The following ASCC3 variants were observed in gnomAD, a reference collection of about 807,000 sequenced individuals.
ASCC3 encodes ASC-1 complex subunit P200.
A neutral mutation model predicts 256.3 loss-of-function variants in ASCC3; 158 were observed. The ratio of observed to expected loss-of-function variants is 0.62; its 90% CI spans 0.54 to 0.70. ASCC3 has a LOEUF of 0.70. Among genes scored for constraint, ASCC3 ranks in the 30% least tolerant of loss-of-function variants. The probability of loss-of-function intolerance (pLI) is 0.00; values close to 1 mark genes in which losing one functional copy is unlikely to be tolerated. For missense variants in ASCC3, 2,259 were observed against 2,626.0 expected, an observed-to-expected ratio of 0.86 and a Z score of 3.05; for synonymous variants, 948 against 883.4, an observed-to-expected ratio of 1.07 and a Z score of -1.30.
intron 18 of ASCC3, among the ~76,000 whole-genome samples, chr6:100,652,110 T>C (rs1278995852): frequency 6.6e-6 from 1 of 151,924 alleles, no homozygotes; most frequent in African/African-American, 2.4e-5. Flanking sequence ...AAAACTGAGT[T>C]GAAAAAAATC....
intron 36 of ASCC3, among the ~76,000 whole-genome samples, chr6:100,587,873 TC>T (rs1182248080): frequency 6.6e-6 from 1 of 152,172 alleles, no homozygotes; most frequent in African/African-American, 2.4e-5. Context: ...AACGTTTAAT[TC>T]CCCTGGGATT....
At chr6:100,747,586 T>C (rs1454321777) in intron 10 of ASCC3, among the ~76,000 whole-genome samples, 1 of 152,088 alleles carries the variant, frequency 6.6e-6, no homozygotes, top group Non-Finnish European at 1.5e-5. Context: ...TGCAACAACA[T>C]GGATAAATAT....
chr6:100,852,951 T>A lies in ASCC3; in HGVS notation c.242-4244A>T, dbSNP rs544018930. On this transcript the variant is annotated intron_variant, in intron 3 of 41. Transcript: ENST00000369162. Reference sequence around the variant, plus strand: ...GCAGTTATATTGAGAGGAAATGGGATGTGAAATGCATAGTAAACTATAAGG... The same window carrying A: ...GCAGTTATATTGAGAGGAAATGGGAAGTGAAATGCATAGTAAACTATAAGG... 3.3e-5 allele frequency among the ~76,000 whole-genome samples: 5 copies of A among 151,894 alleles called. No homozygotes were observed. The South Asian group carries it at 1.0e-3, about 32-fold the overall frequency.
intron 13 of ASCC3, among the ~76,000 whole-genome samples, chr6:100,696,342 T>C (rs958965809): frequency 6.6e-6 from 1 of 152,158 alleles, no homozygotes; most frequent in Admixed American, 6.5e-5. Flanking sequence ...TTTTTTCACA[T>C]TGAGAAAATA....
intron 14 of ASCC3, among the ~76,000 whole-genome samples, chr6:100,676,415 C>T (rs1777008936): frequency 6.6e-6 from 1 of 152,218 alleles, no homozygotes; most frequent in South Asian, 2.1e-4. Flanking sequence ...AAATCACAAC[C>T]AGACCTTTTT....
chr6:100,788,134 AAATT>A (rs1769180073), intron 8 of ASCC3, among the ~76,000 whole-genome samples: 2 of 152,032 alleles, frequency 1.3e-5, no homozygotes, highest in African/African-American at 4.8e-5. Flanking sequence ...ACAGGAAAAC[AAATT>A]ACTCAATTAA....
At chr6:100,728,758 T>C (rs768180595) in intron 10 of ASCC3, among the ~76,000 whole-genome samples, 4 of 152,116 alleles carry the variant, frequency 2.6e-5, no homozygotes, top group Admixed American at 1.3e-4. Flanking sequence ...CCTTCTCCTT[T>C]CCCACTCTCT....
chr6:100,538,044 T>C (rs965867964), intron 37 of ASCC3, among the ~76,000 whole-genome samples: 1 of 152,034 alleles, frequency 6.6e-6, no homozygotes, highest in African/African-American at 2.4e-5. Context: ...TGAATCATTA[T>C]TGACTGAGTG....
intron 4 of ASCC3, among the ~76,000 whole-genome samples, chr6:100,822,994 T>C (rs1202927454): frequency 6.6e-6 from 1 of 152,142 alleles, no homozygotes; most frequent in East Asian, 1.9e-4. Context: ...GTCCCAAGCA[T>C]AGGATCACCA....
At chr6:100,818,053 T>C (rs542485224) in intron 4 of ASCC3, among the ~76,000 whole-genome samples, 2 of 152,258 alleles carry the variant, frequency 1.3e-5, no homozygotes, top group South Asian at 4.1e-4. Flanking sequence ...TTATAAATCA[T>C]GATAGTGAGA....
chr6:100,648,291 T>C (rs1775490564), intron 20 of ASCC3, among the ~76,000 whole-genome samples: 1 of 152,162 alleles, frequency 6.6e-6, no homozygotes, highest in East Asian at 1.9e-4. Flanking sequence ...TCCTCTATCA[T>C]TAACTTTGCA....
chr6:100,692,429 GATT>G (rs1249563848), intron 13 of ASCC3, among the ~76,000 whole-genome samples: 3 of 151,710 alleles, frequency 2.0e-5, no homozygotes, highest in Admixed American at 6.6e-5. Context: ...GGTTTAATAT[GATT>G]ATATTTTCAA....
In ASCC3 at chr6:100,540,145, T is replaced by C; in HGVS notation, c.5775+18A>G. On this transcript the variant is annotated intron_variant, in intron 37 of 41. Transcript: ENST00000369162. ...GATGGGAGAAAACACACATAGGTATTAGAAATGACTTTCATACCTGACATA... is the reference window on the plus strand; with the variant it reads ...GATGGGAGAAAACACACATAGGTATCAGAAATGACTTTCATACCTGACATA... 1 of 1,588,106 alleles carries C rather than the reference T, an allele frequency of 6.3e-7. No homozygotes were observed. The highest frequency in any genetic ancestry group is 8.6e-7 in the Non-Finnish European group (1 of 1,156,356).
At chr6:100,644,163 A>G (rs772959782) in intron 22 of ASCC3, 34 bp from the exon 23 acceptor site, 1 of 1,387,548 alleles carries the variant, frequency 7.2e-7, no homozygotes, top group Non-Finnish European at 1.0e-6. Context: ...TACTATGCAT[A>G]TCATAACTCA....
chr6:100,725,780 A>G, intron 10 of ASCC3, 77 bp from the exon 11 acceptor site: 1 of 1,538,160 alleles, frequency 6.5e-7, no homozygotes, highest in Non-Finnish European at 9.0e-7. Flanking sequence ...TCAGAAAGAA[A>G]TATTTTGGCC....
intron 8 of ASCC3, among the ~76,000 whole-genome samples, chr6:100,771,753 T>C (rs1454111500): frequency 6.9e-6 from 1 of 145,554 alleles, no homozygotes; most frequent in East Asian, 2.1e-4. Context: ...GCAAAATGTT[T>C]AATAATTTAA....
At chr6:100,660,456 C>G (rs535155853) in intron 16 of ASCC3, among the ~76,000 whole-genome samples, 4 of 151,640 alleles carry the variant, frequency 2.6e-5, no homozygotes, top group Non-Finnish European at 5.9e-5. Flanking sequence ...GTTATTTAAG[C>G]CACACAATTA....
At chr6:100,746,531 G>A (rs762059690) in intron 10 of ASCC3, among the ~76,000 whole-genome samples, 1 of 152,114 alleles carries the variant, frequency 6.6e-6, no homozygotes, top group Non-Finnish European at 1.5e-5. Flanking sequence ...ACTTAAGGTT[G>A]TACTACCATT....
intron 20 of ASCC3, among the ~76,000 whole-genome samples, chr6:100,650,161 T>TA (rs1775589969): frequency 6.6e-6 from 1 of 150,648 alleles, no homozygotes; most frequent in Admixed American, 6.6e-5. Context: ...CTAAAAAAGT[T>TA]CCACAATCTT....
Sources: gnomAD v4.1 joint callset for allele counts (sites outside exome capture counted in the v4.1 genomes callset) on GRCh38, gnomAD v4.1.1 for gene constraint, MANE v1.5 for transcripts, NCBI Gene and HGNC (gene_info 2026-07-23, HGNC 2026-07-21) for gene names.